NLGN4X: variants seen among roughly 807,000 people sequenced by gnomAD.
NLGN4X encodes the protein neuroligin 4 X-linked, also known as neuroligin-4, X-linked.
NLGN4X carries 3 observed loss-of-function variants against 40.3 expected under a neutral mutation model. That is an observed-to-expected ratio of 0.07 (90% CI 0.03 to 0.19). The LOEUF (loss-of-function observed/expected upper bound fraction) is 0.19. Ranked by LOEUF, NLGN4X falls within the 10% of genes least tolerant of loss-of-function variation. The pLI, the probability that NLGN4X is intolerant of heterozygous loss-of-function variation, is 1.00. For synonymous variants in NLGN4X, 270 were observed against 306.8 expected (o/e 0.88, Z 1.25); for missense variants, 382 against 708.3 (o/e 0.54, Z 5.23).
intron 1 of NLGN4X, among the ~76,000 whole-genome samples, chrX:6,183,657 G>A (rs1361193658): frequency 8.9e-6 from 1 of 112,293 alleles, no homozygotes; most frequent in East Asian, 2.8e-4. Flanking sequence ...TGAAAATGAC[G>A]TCAAAGGTCC....
intron 3 of NLGN4X, among the ~76,000 whole-genome samples, chrX:6,028,673 AAAAG>A (rs1193778187): frequency 9.0e-6 from 1 of 110,846 alleles, no homozygotes; most frequent in African/African-American, 3.3e-5. Flanking sequence ...AAAAAAAAAA[AAAAG>A]AAAGAAAGAA....
At chrX:5,915,446 A>G (rs1272967851) in intron 3 of NLGN4X, among the ~76,000 whole-genome samples, 16 of 112,766 alleles carry the variant, frequency 1.4e-4, no homozygotes, top group African/African-American at 4.5e-4. Flanking sequence ...AAATAATAAA[A>G]CATCAAAATC....
At chrX:6,094,615 ATCACCCTACT>A (rs899345824) in intron 2 of NLGN4X, among the ~76,000 whole-genome samples, 2 of 111,197 alleles carry the variant, frequency 1.8e-5, no homozygotes, top group Non-Finnish European at 3.8e-5. Context: ...AAGATGACAG[ATCACCCTACT>A]TCACATTTCT....
intron 2 of NLGN4X, among the ~76,000 whole-genome samples, chrX:6,046,847 A>G (rs1004634022): frequency 2.6e-5 from 2 of 77,904 alleles, no homozygotes; most frequent in African/African-American, 8.9e-5. Flanking sequence ...TATATATTAT[A>G]AACACATATA....
chrX:5,956,965 CTG>C (rs564463682), intron 3 of NLGN4X, among the ~76,000 whole-genome samples: 28 of 106,309 alleles, frequency 2.6e-4, no homozygotes, highest in Admixed American at 6.1e-4. Flanking sequence ...TGTGTGGTGT[CTG>C]TGTGTGTGTG....
intron 5 of NLGN4X, among the ~76,000 whole-genome samples, chrX:5,895,971 GTGAA>G (rs2031465438): frequency 9.0e-6 from 1 of 111,688 alleles, no homozygotes; most frequent in East Asian, 2.8e-4. Context: ...AGAAAAATAA[GTGAA>G]TGAATATTTT....
At chrX:5,983,264 C>G (rs959834310) in intron 3 of NLGN4X, among the ~76,000 whole-genome samples, 3 of 111,780 alleles carry the variant, frequency 2.7e-5, no homozygotes, top group Non-Finnish European at 5.6e-5. Context: ...GAGAAAGATG[C>G]CACTAATCCA....
chrX:6,098,205 G>A (rs1473539949), intron 2 of NLGN4X, among the ~76,000 whole-genome samples: 1 of 111,878 alleles, frequency 8.9e-6, no homozygotes. Flanking sequence ...TGAGGGAAGA[G>A]GATTGCTTGA....
intron 3 of NLGN4X, among the ~76,000 whole-genome samples, chrX:6,001,850 C>T (rs768648866): frequency 1.8e-5 from 2 of 111,597 alleles, no homozygotes; most frequent in East Asian, 2.8e-4. Context: ...ATTTTATTTT[C>T]TAATAGTAGA....
At chrX:6,030,021 AAAAAG>A (rs1427280988) in intron 2 of NLGN4X, among the ~76,000 whole-genome samples, 1 of 111,542 alleles carries the variant, frequency 9.0e-6, no homozygotes, top group Admixed American at 9.6e-5. Context: ...AATAGGGAAA[AAAAAG>A]AAAAGATGTC....
intron 3 of NLGN4X, among the ~76,000 whole-genome samples, chrX:5,914,396 T>C (rs1261152557): frequency 9.0e-6 from 1 of 111,280 alleles, no homozygotes; most frequent in Non-Finnish European, 1.9e-5. Context: ...TGGGGTCAGA[T>C]ATTGTTTTTC....
rs1405089218 is a variant in NLGN4X at position 6,151,066 on chromosome X, G to A, written c.401C>T (p.Thr134Ile). 1 of 1,211,945 alleles carries A rather than the reference G, an allele frequency of 8.3e-7. No individual in the cohort carries two copies. Among genetic ancestry groups the A allele is most frequent in the Non-Finnish European group, 1.1e-6 (1 of 895,510 alleles). Residue 134 changes from threonine (T) to isoleucine (I), a missense_variant, in exon 2 of 6, where the codon ACT becomes ATT. Physicochemically the swap from Thr to Ile is moderately conservative, Grantham distance 89 (BLOSUM62 -1). This residue lies in a region of NLGN4X where 115 missense variants were observed against 149.6 expected (regional missense o/e 0.77). Coordinates refer to ENST00000381095, the MANE Select transcript of NLGN4X (RefSeq NM_181332.3). ...TTGATCTTGAACATAGGTCATCAAAGTATCCAAATTGGCGGTAAACCAGAT... is the reference window on the plus strand; with the variant it reads ...TTGATCTTGAACATAGGTCATCAAAATATCCAAATTGGCGGTAAACCAGAT... Reference protein sequence around the residue: ...LPIWFTANLDTLMTYVQDQNE... With the variant: ...LPIWFTANLDILMTYVQDQNE...
intron 3 of NLGN4X, among the ~76,000 whole-genome samples, chrX:5,982,207 G>A (rs1602000802): frequency 1.8e-5 from 2 of 111,961 alleles, no homozygotes; most frequent in East Asian, 2.8e-4. Flanking sequence ...GTGCTTCAGA[G>A]AGAAATGTTA....
At chrX:6,111,518 T>C (rs189235516) in intron 2 of NLGN4X, among the ~76,000 whole-genome samples, 10 of 111,053 alleles carry the variant, frequency 9.0e-5, no homozygotes, top group Admixed American at 1.9e-4. Context: ...GCAGGAGAAA[T>C]GTTTAAGGCC....
intron 1 of NLGN4X, among the ~76,000 whole-genome samples, chrX:6,191,297 C>G (rs1922515960): frequency 9.0e-6 from 1 of 111,365 alleles, no homozygotes; most frequent in South Asian, 3.8e-4. Flanking sequence ...GGAAATGTTG[C>G]ACACAGGCAG....
chrX:6,034,654 C>T (rs774577834), intron 2 of NLGN4X, among the ~76,000 whole-genome samples: 1 of 110,711 alleles, frequency 9.0e-6, no homozygotes, highest in Non-Finnish European at 1.9e-5. Flanking sequence ...CCAACACTTG[C>T]TAATATCCTT....
At chrX:6,196,371 T>G (rs1189301307) in intron 1 of NLGN4X, among the ~76,000 whole-genome samples, 2 of 109,134 alleles carry the variant, frequency 1.8e-5, no homozygotes, top group Non-Finnish European at 3.8e-5. Flanking sequence ...CTAACACGGT[T>G]TAACCCTGTC....
chrX:6,003,322 C>G (rs989138494), intron 3 of NLGN4X, among the ~76,000 whole-genome samples: 3 of 112,294 alleles, frequency 2.7e-5, no homozygotes, highest in Non-Finnish European at 5.6e-5. Flanking sequence ...GCCAAGCAAT[C>G]CAGATGTCTG....
intron 2 of NLGN4X, among the ~76,000 whole-genome samples, chrX:6,105,528 G>T (rs1387521388): frequency 1.8e-5 from 2 of 111,743 alleles, no homozygotes; most frequent in Non-Finnish European, 3.8e-5. Flanking sequence ...AGTACTTAGA[G>T]ACTATCGTCT....
Sources: gnomAD v4.1 joint callset for allele counts (sites outside exome capture counted in the v4.1 genomes callset) on GRCh38, gnomAD v4.1.1 for gene constraint, gnomAD v4.1.1 regional missense constraint, MANE v1.5 for transcripts, NCBI Gene and HGNC (gene_info 2026-07-23, HGNC 2026-07-21) for gene names.